Variants in SEMA3A observed in about 807,000 individuals in gnomAD.
SEMA3A encodes semaphorin-3A.
A neutral mutation model predicts 97.9 loss-of-function variants in SEMA3A; 29 were observed. The observed-to-expected ratio is 0.30, with a 90% CI of 0.22 to 0.40. The LOEUF (loss-of-function observed/expected upper bound fraction) is 0.40. Among genes scored for constraint, SEMA3A ranks in the 10% least tolerant of loss-of-function variants. SEMA3A has a pLI of 1.00. For missense variants in SEMA3A, 763 were observed against 951.3 expected, an observed-to-expected ratio of 0.80 and a Z score of 2.60; for synonymous variants, 321 against 323.7, an observed-to-expected ratio of 0.99 and a Z score of 0.09.
chr7:84,072,342 T>A (rs1793770275), intron 4 of SEMA3A, among the ~76,000 whole-genome samples: 1 of 152,054 alleles, frequency 6.6e-6, no homozygotes, highest in Admixed American at 6.6e-5. Context: ...TTGTGGAACA[T>A]AAACTTATTT....
intron 4 of SEMA3A, among the ~76,000 whole-genome samples, chr7:84,067,053 G>A (rs1793534625): frequency 6.6e-6 from 1 of 152,098 alleles, no homozygotes; most frequent in South Asian, 2.1e-4. Flanking sequence ...AAAACAGCAT[G>A]GTACTGCTAC....
chr7:84,453,332 G>T (rs994485997), intron 1 of SEMA3A, among the ~76,000 whole-genome samples: 52 of 151,612 alleles, frequency 3.4e-4, no homozygotes, highest in African/African-American at 1.2e-3. Context: ...GCCCCCTGGG[G>T]TTCACGCCAT....
At chr7:84,436,729 C>A (rs953679252) in intron 1 of SEMA3A, among the ~76,000 whole-genome samples, 14 of 151,992 alleles carry the variant, frequency 9.2e-5, no homozygotes, top group Admixed American at 9.2e-4. Flanking sequence ...TCTATAAGAT[C>A]ATGTTTTGGT....
At chr7:84,304,259 A>AT (rs1177691379) in intron 3 of SEMA3A, among the ~76,000 whole-genome samples, 2 of 152,100 alleles carry the variant, frequency 1.3e-5, no homozygotes, top group African/African-American at 2.4e-5. Context: ...GGGGTCAGCA[A>AT]TTTTTTTGTT....
intron 3 of SEMA3A, among the ~76,000 whole-genome samples, chr7:84,128,301 G>A (rs969290268): frequency 6.6e-6 from 1 of 151,704 alleles, no homozygotes; most frequent in Non-Finnish European, 1.5e-5. Context: ...AAAAGATGGA[G>A]AAGGAAAAAG....
intron 7 of SEMA3A, among the ~76,000 whole-genome samples, chr7:84,012,799 AG>A (rs1790938088): frequency 6.6e-6 from 1 of 152,206 alleles, no homozygotes; most frequent in African/African-American, 2.4e-5. Flanking sequence ...TAGAAACTAT[AG>A]TTTTCACAAA....
rs150902976 is a variant in SEMA3A at position 83,977,736 on chromosome 7, A to G, written c.1653-540T>C. On this transcript the variant is annotated intron_variant, in intron 14 of 16. Coordinates refer to ENST00000265362, the MANE Select transcript of SEMA3A (RefSeq NM_006080.3). ...TTATAATATTAAGACTAGAAATTCT[A>G]TTTTTAAGCTAGTTTTAAAATTTCT... Among the ~76,000 whole-genome samples, 89 of 150,474 alleles carry G rather than the reference A, an allele frequency of 5.9e-4. 1 individual carries two copies. The East Asian group carries it at 0.016, about 27-fold the overall frequency.
chr7:84,023,458 G>T (rs1320822102), intron 6 of SEMA3A, among the ~76,000 whole-genome samples: 2 of 152,118 alleles, frequency 1.3e-5, no homozygotes, highest in Non-Finnish European at 2.9e-5. Flanking sequence ...ATACATATTG[G>T]TTTTCTAGGA....
intron 3 of SEMA3A, among the ~76,000 whole-genome samples, chr7:84,292,671 A>G (rs1331980576): frequency 6.6e-6 from 1 of 152,086 alleles, no homozygotes; most frequent in Non-Finnish European, 1.5e-5. Context: ...TCTCCCCAAC[A>G]AACTTTACCA....
chr7:83,968,217 C>A (rs552092351), intron 15 of SEMA3A, among the ~76,000 whole-genome samples: 1 of 152,132 alleles, frequency 6.6e-6, no homozygotes, highest in East Asian at 1.9e-4. Flanking sequence ...GATATAAAAT[C>A]TTTTTCTGGA....
At chr7:84,314,815 T>C (rs1801452775) in intron 2 of SEMA3A, among the ~76,000 whole-genome samples, 1 of 152,112 alleles carries the variant, frequency 6.6e-6, no homozygotes, top group Admixed American at 6.6e-5. Context: ...CAGCAAGAAT[T>C]TGAGGAAATT....
At chr7:84,478,069 G>T (rs1472860091) in intron 1 of SEMA3A, among the ~76,000 whole-genome samples, 1 of 152,166 alleles carries the variant, frequency 6.6e-6, no homozygotes, top group Non-Finnish European at 1.5e-5. Context: ...TTATTCCAGT[G>T]AGATTTCACA....
chr7:84,246,917 A>C (rs550545372), intron 3 of SEMA3A, among the ~76,000 whole-genome samples: 1 of 152,262 alleles, frequency 6.6e-6, no homozygotes, highest in South Asian at 2.1e-4. Flanking sequence ...TAACAATATG[A>C]GAATATATTT....
At chr7:84,467,945 G>C (rs1016386751) in intron 1 of SEMA3A, among the ~76,000 whole-genome samples, 2 of 151,932 alleles carry the variant, frequency 1.3e-5, no homozygotes, top group African/African-American at 2.4e-5. Flanking sequence ...TTTAACTCTG[G>C]GCCCAAGGCA....
At chr7:84,033,837 T>C (rs916494557) in intron 6 of SEMA3A, among the ~76,000 whole-genome samples, 2 of 152,064 alleles carry the variant, frequency 1.3e-5, no homozygotes, top group Non-Finnish European at 2.9e-5. Flanking sequence ...TGGATGCACA[T>C]CCTTTTAGTT....
intron 3 of SEMA3A, among the ~76,000 whole-genome samples, chr7:84,214,321 T>G (rs1335481177): frequency 6.6e-6 from 1 of 152,236 alleles, no homozygotes; most frequent in Non-Finnish European, 1.5e-5. Context: ...CAGTTGGACT[T>G]ACATTGTATG....
chr7:83,977,032 T>C, intron 15 of SEMA3A, 100 bp downstream of exon 15: 1 of 483,308 alleles, frequency 2.1e-6, no homozygotes, highest in Non-Finnish European at 3.3e-6. Context: ...TTTCTTTAAG[T>C]ATTCTGAGAG....
intron 1 of SEMA3A, among the ~76,000 whole-genome samples, chr7:84,427,649 C>CAAAA (rs55872394): frequency 0.13 from 9,328 of 72,758 alleles, 1,288 homozygotes; most frequent in Middle Eastern, 0.16. Flanking sequence ...GATTCTGTCT[C>CAAAA]AAAAAAAAAA....
At chr7:84,383,130 C>A (rs139821215) in intron 1 of SEMA3A, among the ~76,000 whole-genome samples, 5 of 151,934 alleles carry the variant, frequency 3.3e-5, no homozygotes, top group Non-Finnish European at 7.4e-5. Context: ...AACAAAGAAA[C>A]CTTCTTCTAC....
Sources: gnomAD v4.1 joint callset for allele counts (sites outside exome capture counted in the v4.1 genomes callset) on GRCh38, gnomAD v4.1.1 for gene constraint, MANE v1.5 for transcripts, NCBI Gene and HGNC (gene_info 2026-07-23, HGNC 2026-07-21) for gene names.